RUNX1: variants seen among roughly 807,000 people sequenced by gnomAD.
The protein encoded by RUNX1 is runt-related transcription factor 1.
Under a neutral mutation model 42.8 loss-of-function variants are expected in RUNX1, and 19 were observed. The observed-to-expected ratio is 0.44, with a 90% confidence interval of 0.31 to 0.65. The LOEUF (loss-of-function observed/expected upper bound fraction) is 0.65. RUNX1 is among the 30% of genes least tolerant of loss of function. The pLI, the probability that RUNX1 is intolerant of heterozygous loss-of-function variation, is 0.07. For synonymous variants in RUNX1, 271 were observed against 289.4 expected, an observed-to-expected ratio of 0.94 and a Z score of 0.64; for missense variants, 528 against 672.0, an observed-to-expected ratio of 0.79 and a Z score of 2.37.
intron 6 of RUNX1, among the ~76,000 whole-genome samples, chr21:34,853,615 T>C (rs985223440): frequency 1.3e-5 from 2 of 152,216 alleles, no homozygotes; most frequent in Non-Finnish European, 2.9e-5. Flanking sequence ...TATAAATTAA[T>C]ATGCGTGAAG....
chr21:35,001,878 C>T (rs931460851), intron 2 of RUNX1, among the ~76,000 whole-genome samples: 14 of 152,048 alleles, frequency 9.2e-5, no homozygotes, highest in Admixed American at 2.0e-4. Context: ...TAACTGAAAA[C>T]AATTTCATTC....
At chr21:34,968,634 C>T (rs1054677930) in intron 2 of RUNX1, among the ~76,000 whole-genome samples, 11 of 145,320 alleles carry the variant, frequency 7.6e-5, no homozygotes. Flanking sequence ...ATGAGGACAA[C>T]CAGTGTGCCT....
chr21:34,857,706 A>G (rs1462252264), intron 6 of RUNX1, among the ~76,000 whole-genome samples: 2 of 152,174 alleles, frequency 1.3e-5, no homozygotes, highest in South Asian at 2.1e-4. Context: ...GCCCCTTGCC[A>G]TAATTCAAGC....
At chr21:34,887,371 C>T in intron 3 of RUNX1, 2 of 1,420,520 alleles carry the variant, frequency 1.4e-6, no homozygotes, top group South Asian at 1.5e-5. Context: ...TTGCTTAGTG[C>T]ATTAAAAAGT....
chr21:34,790,896 C>T lies in RUNX1; in HGVS notation c.*1239G>A, dbSNP rs560143751. ...ACTTTGGCTGTGTTCTGTTACACAG[C>T]ATCTGTGAAATTATCAGATGACCTT... On this transcript the variant is annotated 3_prime_UTR_variant, in exon 9 of 9. Coordinates refer to ENST00000675419, the MANE Select transcript of RUNX1 (RefSeq NM_001754.5). 2.8e-4 allele frequency: 65 copies of T among 233,430 alleles called. No homozygotes were observed. The highest frequency in any genetic ancestry group is 1.4e-3 in the African/African-American group (62 of 45,470). The allele number at this position is 233,430 out of a possible 1,614,324, so 14.5% of individuals were successfully genotyped here.
At chr21:34,938,905 T>C (rs1219180751) in intron 2 of RUNX1, among the ~76,000 whole-genome samples, 2 of 152,224 alleles carry the variant, frequency 1.3e-5, no homozygotes, top group Non-Finnish European at 2.9e-5. Flanking sequence ...TTGTTACCTA[T>C]GTGTCAAAGT....
chr21:34,847,269 A>G (rs2154450), intron 6 of RUNX1, among the ~76,000 whole-genome samples: 47,587 of 152,094 alleles, frequency 0.31, 7,800 homozygotes, highest in East Asian at 0.49. Context: ...AGTTGTAGGT[A>G]GAGAAAACAT....
At chr21:34,847,211 AT>A (rs1421922001) in intron 6 of RUNX1, among the ~76,000 whole-genome samples, 1 of 152,226 alleles carries the variant, frequency 6.6e-6, no homozygotes, top group Non-Finnish European at 1.5e-5. Context: ...GTTCTCAACT[AT>A]TTGCCAAGGT....
intron 7 of RUNX1, among the ~76,000 whole-genome samples, chr21:34,830,319 T>C (rs2057045471): frequency 6.6e-6 from 1 of 152,182 alleles, no homozygotes; most frequent in Non-Finnish European, 1.5e-5. Flanking sequence ...CTTTCACTCT[T>C]ATTTAGAGAT....
intron 2 of RUNX1, among the ~76,000 whole-genome samples, chr21:35,010,566 A>G (rs578001609): frequency 6.6e-6 from 1 of 152,080 alleles, no homozygotes; most frequent in Non-Finnish European, 1.5e-5. Flanking sequence ...AGTTTGTTAA[A>G]TGAATCAACA....
intron 3 of RUNX1, chr21:34,888,217 G>A (rs1214845376): frequency 1.9e-6 from 2 of 1,066,810 alleles, no homozygotes; most frequent in South Asian, 4.5e-5. Flanking sequence ...CTGCTCCGAG[G>A]CACGAACACC....
At chr21:34,874,642 A>G in intron 5 of RUNX1, among the ~76,000 whole-genome samples, 1 of 142,168 alleles carries the variant, frequency 7.0e-6, no homozygotes, top group Admixed American at 6.8e-5. Context: ...AAAAGACAGT[A>G]CACCATCTCT....
At chr21:34,993,654 CACAG>C (rs1368187299) in intron 2 of RUNX1, among the ~76,000 whole-genome samples, 1 of 146,606 alleles carries the variant, frequency 6.8e-6, no homozygotes, top group Non-Finnish European at 1.5e-5. Flanking sequence ...GGCACACACA[CACAG>C]ACACACAGAG....
intron 2 of RUNX1, among the ~76,000 whole-genome samples, chr21:34,904,202 C>A (rs2058199672): frequency 6.6e-6 from 1 of 151,886 alleles, no homozygotes; most frequent in African/African-American, 2.4e-5. Flanking sequence ...AAACTATATT[C>A]TAAAAGGTAA....
At chr21:34,902,996 A>G (rs2058189341) in intron 2 of RUNX1, among the ~76,000 whole-genome samples, 1 of 152,214 alleles carries the variant, frequency 6.6e-6, no homozygotes, top group Non-Finnish European at 1.5e-5. Context: ...CCCATTTCAC[A>G]TAGGTTTTCT....
chr21:34,875,341 A>G (rs910285726), intron 5 of RUNX1, among the ~76,000 whole-genome samples: 1 of 152,208 alleles, frequency 6.6e-6, no homozygotes, highest in Admixed American at 6.5e-5. Flanking sequence ...CATGGAGGCA[A>G]GCTTTTGACC....
At chr21:34,942,832 T>C (rs1323293636) in intron 2 of RUNX1, among the ~76,000 whole-genome samples, 1 of 152,140 alleles carries the variant, frequency 6.6e-6, no homozygotes, top group Non-Finnish European at 1.5e-5. Context: ...CACAACTTTG[T>C]GTTATGAGAG....
At chr21:34,889,888 C>T in intron 3 of RUNX1, 1 of 1,049,880 alleles carries the variant, frequency 9.5e-7, no homozygotes, top group Non-Finnish European at 1.2e-6. Flanking sequence ...CCCGGGGCCT[C>T]TCATCCACCC....
At chr21:34,876,030 CT>C (rs2057808227) in intron 5 of RUNX1, among the ~76,000 whole-genome samples, 1 of 152,156 alleles carries the variant, frequency 6.6e-6, no homozygotes, top group South Asian at 2.1e-4. Flanking sequence ...GGAAAGGATA[CT>C]ATTTTGAAAG....
Sources: allele counts gnomAD v4.1 joint callset (sites outside exome capture counted in the v4.1 genomes callset), GRCh38; gene constraint gnomAD v4.1.1; transcripts MANE v1.5; gene names NCBI Gene and HGNC (gene_info 2026-07-23, HGNC 2026-07-21).